The following CDH4 variants were observed in gnomAD, a reference collection of about 807,000 sequenced individuals.
CDH4 encodes cadherin-4.
Under a neutral mutation model 86.0 loss-of-function variants are expected in CDH4, and 33 were observed. The ratio of observed to expected loss-of-function variants is 0.38; its 90% CI spans 0.29 to 0.51. CDH4 has a LOEUF of 0.51. Among genes scored for constraint, CDH4 ranks in the 20% least tolerant of loss-of-function variants. The pLI is 0.86. For missense variants in CDH4, 1,114 were observed against 1,307.4 expected, an observed-to-expected ratio of 0.85 and a Z score of 2.28; for synonymous variants, 555 against 549.4, an observed-to-expected ratio of 1.01 and a Z score of -0.14.
Position 61,807,279 on chromosome 20 carries a change from T to A in CDH4, c.576+34097T>A, listed in dbSNP as rs1980188979. On this transcript the variant is annotated intron_variant, in intron 4 of 15. Coordinates refer to ENST00000614565, the MANE Select transcript of CDH4 (RefSeq NM_001794.5). This position sits in a 1 kb window ranked among gnomAD's most constrained non-coding sequence, Gnocchi z 4.5. Reference sequence around the variant, plus strand: ...CTGGGTGTTGTCCAGTCCATGGAGCTGTATTCAGAACCACCAGGGCCAGAC... The same window carrying A: ...CTGGGTGTTGTCCAGTCCATGGAGCAGTATTCAGAACCACCAGGGCCAGAC... Among the ~76,000 whole-genome samples the A allele has an allele frequency of 1.3e-5, 2 of 152,170 alleles. No homozygotes were observed. The highest frequency in any genetic ancestry group is 4.8e-5 in the African/African-American group (2 of 41,454).
intron 2 of CDH4, among the ~76,000 whole-genome samples, chr20:61,711,294 C>T (rs11204443): frequency 0.31 from 46,432 of 152,158 alleles, 8,781 homozygotes; most frequent in Non-Finnish European, 0.42. Flanking sequence ...GAGGCCTCCC[C>T]AGCCATGCTG....
chr20:61,294,016 C>A (rs1182129810), intron 2 of CDH4, among the ~76,000 whole-genome samples: 3 of 152,060 alleles, frequency 2.0e-5, no homozygotes, highest in South Asian at 2.1e-4. Flanking sequence ...GTGTGGAGAC[C>A]CCGGGACAGG....
At chr20:61,462,465 G>A (rs975304614) in intron 2 of CDH4, among the ~76,000 whole-genome samples, 1 of 152,164 alleles carries the variant, frequency 6.6e-6, no homozygotes, top group African/African-American at 2.4e-5. Context: ...GTAAATCAAG[G>A]GGGTGTAGTA....
At chr20:61,715,413 T>A (rs11907188) in intron 2 of CDH4, among the ~76,000 whole-genome samples, 1 of 152,156 alleles carries the variant, frequency 6.6e-6, no homozygotes, top group African/African-American at 2.4e-5. Flanking sequence ...AGGCCATGGC[T>A]TTGGCACCTG....
chr20:61,415,708 CTT>C (rs546188723), intron 2 of CDH4, among the ~76,000 whole-genome samples: 1 of 148,866 alleles, frequency 6.7e-6, no homozygotes, highest in Non-Finnish European at 1.5e-5. Flanking sequence ...GTCAGAATCT[CTT>C]TTTTTTTTAG....
rs537274084 is a variant in CDH4 at position 61,830,993 on chromosome 20, C to T, written c.577-13675C>T. ...GTTTGAAGCTGAGCTCTGAAGGCCT[C>T]GAGGGCAGGGAAAGGGAAGAACTCT... On this transcript the variant is annotated intron_variant, in intron 4 of 15. Transcript: ENST00000614565. Among the ~76,000 whole-genome samples the T allele has an allele frequency of 2.4e-4, 36 of 152,172 alleles. 1 individual carries two copies. The East Asian group carries it at 5.8e-3, about 25-fold the overall frequency.
chr20:61,483,302 G>C (rs1388579205), intron 2 of CDH4, among the ~76,000 whole-genome samples: 1 of 151,194 alleles, frequency 6.6e-6, no homozygotes, highest in East Asian at 1.9e-4. Flanking sequence ...TCAACGTTCA[G>C]CTGGGCCCAG....
chr20:61,588,512 G>T (rs937227072), intron 2 of CDH4, among the ~76,000 whole-genome samples: 1 of 152,174 alleles, frequency 6.6e-6, no homozygotes, highest in Non-Finnish European at 1.5e-5. Flanking sequence ...TTCCAGACAC[G>T]AGTAGCCGTG....
chr20:61,685,485 G>T (rs1378590079), intron 2 of CDH4, among the ~76,000 whole-genome samples: 2 of 152,230 alleles, frequency 1.3e-5, no homozygotes, highest in South Asian at 4.1e-4. Flanking sequence ...CCTGCGGAGA[G>T]TGCCTGCTCT....
chr20:61,663,541 C>A lies in CDH4; in HGVS notation c.170-80022C>A, dbSNP rs2087285445. On this transcript the variant is annotated intron_variant, in intron 2 of 15. Coordinates refer to ENST00000614565, the MANE Select transcript of CDH4 (RefSeq NM_001794.5). This position sits in a 1 kb window ranked among gnomAD's most constrained non-coding sequence, Gnocchi z 5.0. ...GTCAGAGGGGCCGGAGGAAGGTGAA[C>A]AGGGCAGGGGGCAGTGGGGCTGGAT... 6.6e-6 allele frequency among the ~76,000 whole-genome samples: 1 copy of A among 151,972 alleles called. No individual in the cohort carries two copies. The highest frequency in any genetic ancestry group is 2.1e-4 in the South Asian group (1 of 4,812).
chr20:61,878,709 C>A (rs1984148171), intron 7 of CDH4, among the ~76,000 whole-genome samples: 2 of 152,262 alleles, frequency 1.3e-5, no homozygotes, highest in Non-Finnish European at 2.9e-5. Flanking sequence ...GAATTTGTGA[C>A]CCCTTGGCCG....
intron 2 of CDH4, among the ~76,000 whole-genome samples, chr20:61,339,203 G>T (rs2123279739): frequency 6.6e-6 from 1 of 152,194 alleles, no homozygotes; most frequent in East Asian, 1.9e-4. Context: ...GTGTTCATAT[G>T]GAATGAAAGC....
At chr20:61,857,103 C>T (rs527839387) in intron 6 of CDH4, among the ~76,000 whole-genome samples, 188 of 152,354 alleles carry the variant, frequency 1.2e-3, no homozygotes, top group African/African-American at 4.4e-3. Context: ...GGCAGGTTCT[C>T]GTGGGTCTCA....
intron 5 of CDH4, among the ~76,000 whole-genome samples, chr20:61,846,392 A>G (rs1164066232): frequency 1.3e-5 from 2 of 152,232 alleles, no homozygotes; most frequent in East Asian, 3.8e-4. Context: ...CTGGCTCCCA[A>G]AACGGGCTTT....
chr20:61,375,757 G>GTTTGTTGA (rs2084865352), intron 2 of CDH4, among the ~76,000 whole-genome samples: 1 of 98,834 alleles, frequency 1.0e-5, no homozygotes, highest in African/African-American at 3.7e-5. Context: ...GGTGATGATG[G>GTTTGTTGA]TGGTGCTGGT....
intron 2 of CDH4, among the ~76,000 whole-genome samples, chr20:61,395,854 G>A (rs1462629448): frequency 6.6e-6 from 1 of 152,180 alleles, no homozygotes; most frequent in East Asian, 1.9e-4. Flanking sequence ...GGTATTATCT[G>A]AAGGCACGAA....
intron 15 of CDH4, among the ~76,000 whole-genome samples, chr20:61,936,416 ACAC>A (rs1185649881): frequency 1.4e-3 from 3 of 2,196 alleles, no homozygotes; most frequent in Non-Finnish European, 2.5e-3. Context: ...CCCCTCTCCC[ACAC>A]CCCCCCCCCC....
At chr20:61,720,516 G>A (rs2088026507) in intron 2 of CDH4, among the ~76,000 whole-genome samples, 1 of 146,930 alleles carries the variant, frequency 6.8e-6, no homozygotes, top group African/African-American at 2.5e-5. Flanking sequence ...GAGTGGAGGG[G>A]TACAGAGTGG....
At chr20:61,755,471 C>T (rs1467293617) in intron 3 of CDH4, among the ~76,000 whole-genome samples, 1 of 142,650 alleles carries the variant, frequency 7.0e-6, no homozygotes, top group African/African-American at 2.7e-5. Flanking sequence ...CACACACACA[C>T]CATACACACA....
Sources: gnomAD v4.1 joint callset for allele counts (sites outside exome capture counted in the v4.1 genomes callset) on GRCh38, gnomAD v4.1.1 for gene constraint, Gnocchi (gnomAD v3.1) non-coding constraint, MANE v1.5 for transcripts, NCBI Gene and HGNC (gene_info 2026-07-23, HGNC 2026-07-21) for gene names.